Variants in TM9SF4 observed in about 807,000 individuals in gnomAD.
The protein encoded by TM9SF4 is dinucleotide oxidase disulfide thiol exchanger 3 superfamily member 4.
Under a neutral mutation model 90.4 loss-of-function variants are expected in TM9SF4, and 26 were observed. The observed-to-expected ratio is 0.29, with a 90% CI of 0.21 to 0.40. The LOEUF (loss-of-function observed/expected upper bound fraction) is 0.40, where lower values mean the gene tolerates loss of function less well. Among genes scored for constraint, TM9SF4 ranks in the 10% least tolerant of loss-of-function variants. TM9SF4 has a pLI of 1.00. For synonymous variants in TM9SF4, 293 were observed against 315.4 expected, an observed-to-expected ratio of 0.93 and a Z score of 0.75; for missense variants, 549 against 834.8, an observed-to-expected ratio of 0.66 and a Z score of 4.22.
intron 3 of TM9SF4, among the ~76,000 whole-genome samples, chr20:32,139,248 C>T (rs2046636804): frequency 6.6e-6 from 1 of 152,234 alleles, no homozygotes; most frequent in Non-Finnish European, 1.5e-5. Context: ...CCATCTGTGC[C>T]CTGACCTCTC....
chr20:32,147,315 A>G (rs2046777672), intron 9 of TM9SF4, among the ~76,000 whole-genome samples: 1 of 152,214 alleles, frequency 6.6e-6, no homozygotes. Flanking sequence ...ATACCAAAAA[A>G]GTAAGGAAAA....
chr20:32,139,514 C>T (rs531179157), intron 3 of TM9SF4, among the ~76,000 whole-genome samples: 18 of 152,280 alleles, frequency 1.2e-4, no homozygotes, highest in Non-Finnish European at 2.4e-4. Context: ...TTCCAGTCAC[C>T]GGTGTCACTC....
chr20:32,143,982 G>A (rs1380151595), intron 6 of TM9SF4, among the ~76,000 whole-genome samples: 1 of 151,754 alleles, frequency 6.6e-6, no homozygotes, highest in Non-Finnish European at 1.5e-5. Context: ...GTCTTGCTCT[G>A]TCACCCAGGC....
At chr20:32,136,310 A>C (rs1296321302) in intron 3 of TM9SF4, 137 bp downstream of exon 3, 5 of 786,048 alleles carry the variant, frequency 6.4e-6, no homozygotes, top group Non-Finnish European at 8.1e-6. Flanking sequence ...AGCTTATTTA[A>C]ACCTCATAAC....
chr20:32,141,834 A>G lies in TM9SF4; in HGVS notation c.467A>G (p.Lys156Arg), dbSNP rs753703322. The change falls in exon 5 of 18, where the codon AAG becomes AGG. Residue 156 changes from lysine to arginine, a missense_variant. Lys to Arg is a conservative substitution (Grantham distance 26, BLOSUM62 2). Coordinates refer to ENST00000398022, the MANE Select transcript of TM9SF4 (RefSeq NM_014742.4). ...TCCAACCGAGACAGCGATGACAAGA[A>G]GAAGGAAAAAGATGTGCAGTTTGAA... ...LYSNRDSDDK[K>R]KEKDVQFEHG... 6.2e-7 allele frequency: 1 copy of G among 1,614,146 alleles called. No homozygotes were observed. Among genetic ancestry groups the G allele is most frequent in the South Asian group, 1.1e-5 (1 of 91,062 alleles).
chr20:32,119,161 G>A (rs1026205060), intron 1 of TM9SF4, among the ~76,000 whole-genome samples: 8 of 152,082 alleles, frequency 5.3e-5, no homozygotes, highest in African/African-American at 1.9e-4. Flanking sequence ...AATTTATAAA[G>A]AAAAGAGGTT....
chr20:32,134,507 G>A (rs1473789626), intron 2 of TM9SF4, among the ~76,000 whole-genome samples: 1 of 152,130 alleles, frequency 6.6e-6, no homozygotes, highest in Non-Finnish European at 1.5e-5. Flanking sequence ...GAACTGACCA[G>A]AACTGAACAT....
At chr20:32,122,892 T>G (rs1170279409) in intron 1 of TM9SF4, among the ~76,000 whole-genome samples, 3 of 151,656 alleles carry the variant, frequency 2.0e-5, no homozygotes, top group African/African-American at 7.3e-5. Context: ...GAGCACTGAG[T>G]GAACCAGACT....
At chr20:32,145,479 G>A in intron 8 of TM9SF4, 56 bp downstream of exon 8, 1 of 1,494,338 alleles carries the variant, frequency 6.7e-7, no homozygotes, top group South Asian at 1.1e-5. Flanking sequence ...GAGGGACTGA[G>A]ACATCACATC....
At chr20:32,114,188 T>G (rs536137302) in intron 1 of TM9SF4, among the ~76,000 whole-genome samples, 1 of 152,320 alleles carries the variant, frequency 6.6e-6, no homozygotes, top group East Asian at 1.9e-4. Context: ...CCTGCATCAG[T>G]TCACACTGTT....
Position 32,123,866 on chromosome 20 carries a change from A to ATATATATATATATTTTTTTTTTTT in TM9SF4, c.16-9146_16-9145insATATATATATATTTTTTTTTTTTT. 3.5e-4 allele frequency among the ~76,000 whole-genome samples: 33 copies of ATATATATATATATTTTTTTTTTTT among 93,948 alleles called. 1 individual carries two copies. In the East Asian group the frequency reaches 7.4e-3, roughly 21 times the overall value. The allele number at this position is 93,948 out of a possible 152,430, so 61.6% of individuals were successfully genotyped here. ...CTCTCATATATATATATATATATATATTTTTTTTTTTAAAGAGATAGGGTC... is the reference window on the plus strand; with the variant it reads ...CTCTCATATATATATATATATATATATATATATATATATTTTTTTTTTTTTTTTTTTTTTTAAAGAGATAGGGTC... On this transcript the variant is annotated intron_variant, in intron 1 of 17. Coordinates refer to ENST00000398022, the MANE Select transcript of TM9SF4 (RefSeq NM_014742.4).
chr20:32,145,496 G>A, intron 8 of TM9SF4, 73 bp downstream of exon 8: 1 of 1,361,042 alleles, frequency 7.3e-7, no homozygotes, highest in Non-Finnish European at 1.0e-6. Context: ...CATCATGTAT[G>A]GGGGACTTCC....
At chr20:32,153,349 A>G (rs2046870151) in intron 12 of TM9SF4, among the ~76,000 whole-genome samples, 1 of 152,310 alleles carries the variant, frequency 6.6e-6, no homozygotes, top group African/African-American at 2.4e-5. Context: ...GAAACTGGCA[A>G]TGGAGGTTTG....
intron 2 of TM9SF4, 117 bp from the exon 3 acceptor site, chr20:32,135,957 C>T (rs2046588828): frequency 1.3e-6 from 1 of 778,290 alleles, no homozygotes; most frequent in Non-Finnish European, 2.2e-6. Flanking sequence ...ATATAGTGTA[C>T]TGCTGTCATT....
chr20:32,147,469 G>A (rs904217974), intron 9 of TM9SF4, among the ~76,000 whole-genome samples: 3 of 151,974 alleles, frequency 2.0e-5, no homozygotes, highest in Non-Finnish European at 4.4e-5. Flanking sequence ...AAACAAAACA[G>A]AAGGCCACAA....
At chr20:32,127,501 G>A (rs8123243) in intron 1 of TM9SF4, among the ~76,000 whole-genome samples, 2,581 of 152,228 alleles carry the variant, frequency 0.017, 74 homozygotes, top group African/African-American at 0.059. Context: ...CTAGCAGGGC[G>A]CAGGGACTTG....
At chr20:32,157,735 C>A in intron 13 of TM9SF4, 59 bp from the exon 14 acceptor site, 1 of 1,590,704 alleles carries the variant, frequency 6.3e-7, no homozygotes, top group Non-Finnish European at 8.6e-7. Flanking sequence ...CTCCCCCTTG[C>A]GCAGCCCCCA....
intron 13 of TM9SF4, 68 bp downstream of exon 13, chr20:32,155,254 C>T: frequency 7.6e-7 from 1 of 1,318,868 alleles, no homozygotes; most frequent in Non-Finnish European, 1.1e-6. Flanking sequence ...CAGCCCTACT[C>T]CCAAAAGCCA....
intron 9 of TM9SF4, among the ~76,000 whole-genome samples, chr20:32,149,286 G>T (rs2046807613): frequency 6.6e-6 from 1 of 152,068 alleles, no homozygotes; most frequent in South Asian, 2.1e-4. Context: ...AAGTAAGAAT[G>T]CATATTTCTT....
Sources: allele counts gnomAD v4.1 joint callset (sites outside exome capture counted in the v4.1 genomes callset), GRCh38; gene constraint gnomAD v4.1.1; transcripts MANE v1.5; gene names NCBI Gene and HGNC (gene_info 2026-07-23, HGNC 2026-07-21).